Variants in TTC12 observed in about 807,000 individuals in gnomAD.
TTC12 encodes the protein tetratricopeptide repeat protein 12.
TTC12 carries 70 observed loss-of-function variants against 90.1 expected under a neutral mutation model. The observed-to-expected ratio is 0.78, with a 90% CI of 0.64 to 0.95. The LOEUF is 0.95. TTC12 is among the 40% of genes least tolerant of loss of function. The pLI is 0.00. For synonymous variants in TTC12, 296 were observed against 311.5 expected, an observed-to-expected ratio of 0.95 and a Z score of 0.53; for missense variants, 819 against 846.1, an observed-to-expected ratio of 0.97 and a Z score of 0.40.
chr11:113,366,192 T>C, intron 21 of TTC12, 33 bp from the exon 22 acceptor site: 5 of 1,609,796 alleles, frequency 3.1e-6, no homozygotes, highest in Non-Finnish European at 3.4e-6. Flanking sequence ...CCGTGGCACT[T>C]ATGCCCTGGG....
At chr11:113,323,953 GA>G in intron 3 of TTC12, 40 bp from the exon 4 acceptor site, 1 of 1,559,950 alleles carries the variant, frequency 6.4e-7, no homozygotes, top group Non-Finnish European at 8.8e-7. Context: ...AGTGGTTTTT[GA>G]AATTTGTTTC....
At chr11:113,342,664 C>T (rs782290459) in intron 12 of TTC12, among the ~76,000 whole-genome samples, 7 of 151,444 alleles carry the variant, frequency 4.6e-5, no homozygotes, top group Non-Finnish European at 7.4e-5. Context: ...GAGATAATAC[C>T]TTTTTTTTTC....
rs1555143652 is a variant in TTC12 at position 113,335,040 on chromosome 11, A to G, written c.576+3A>G. ...TGGCCCTGAAGAACTACAGTGTGGT[A>G]AGTTCTTAGAGGAATGTAATTGACA... On this transcript the variant is annotated splice_donor_region_variant and intron_variant, in intron 8 of 21. Transcript: ENST00000529221. The G allele has an allele frequency of 4.4e-6, 7 of 1,607,158 alleles. No individual in the cohort carries two copies. The Admixed American group carries it at 1.0e-4, about 23-fold the overall frequency.
chr11:113,331,394 C>G (rs1459136489), intron 7 of TTC12, among the ~76,000 whole-genome samples: 2 of 152,212 alleles, frequency 1.3e-5, no homozygotes, highest in Non-Finnish European at 2.9e-5. Context: ...GCTGCATGCT[C>G]ACGAAATTCT....
At chr11:113,320,735 C>T (rs904764940) in intron 2 of TTC12, among the ~76,000 whole-genome samples, 4 of 152,228 alleles carry the variant, frequency 2.6e-5, no homozygotes, top group African/African-American at 7.2e-5. Context: ...TAAAAGGACA[C>T]GCTGTAACAC....
At chr11:113,341,251 A>G (rs188814638) in intron 11 of TTC12, among the ~76,000 whole-genome samples, 1 of 152,298 alleles carries the variant, frequency 6.6e-6, no homozygotes, top group Admixed American at 6.5e-5. Context: ...ACAATTGAAG[A>G]GAGAGGAACA....
chr11:113,327,902 G>A (rs1380345332), intron 6 of TTC12, among the ~76,000 whole-genome samples: 1 of 152,176 alleles, frequency 6.6e-6, no homozygotes, highest in African/African-American at 2.4e-5. Flanking sequence ...AGCACCACTC[G>A]CAGCTTCCTT....
At position 113,364,013 on chromosome 11, in the gene TTC12, A is replaced by C. The variant is rs1183096041; in HGVS notation, c.1816+86A>C. On this transcript the variant is annotated intron_variant, in intron 20 of 21. Transcript: ENST00000529221. ...CAAAGGGAACTGTGGTCGAGGAGGA[A>C]CTTAGCAGCAATGCTGTTAACCTCT... The C allele has an allele frequency of 4.9e-5, 42 of 865,516 alleles. No individual in the cohort carries two copies. In the Admixed American group the frequency reaches 9.1e-4, roughly 19 times the overall value. 53.6% of individuals were successfully genotyped at this position (865,516 alleles called of 1,614,324 possible). A position where few individuals can be genotyped will look rare whatever the true frequency, so the allele number is the denominator to read the frequency against.
chr11:113,326,893 G>A (rs563282177), intron 6 of TTC12, among the ~76,000 whole-genome samples: 6 of 152,066 alleles, frequency 3.9e-5, no homozygotes, highest in East Asian at 1.9e-4. Flanking sequence ...GTTACATAAC[G>A]TTAAAAGCAC....
chr11:113,343,076 CAAT>C (rs2138004138), intron 12 of TTC12, among the ~76,000 whole-genome samples: 1 of 152,172 alleles, frequency 6.6e-6, no homozygotes, highest in South Asian at 2.1e-4. Context: ...ATATCTAACT[CAAT>C]AAATGCAAAG....
intron 19 of TTC12, 22 bp from the exon 20 acceptor site, chr11:113,363,806 C>G (rs960601462): frequency 6.4e-7 from 1 of 1,552,762 alleles, no homozygotes; most frequent in Non-Finnish European, 8.9e-7. Flanking sequence ...TTTTATTTTT[C>G]TAATTTCATT....
rs369313544 is a variant in TTC12 at position 113,324,678 on chromosome 11, G to A, written c.318G>A (p.Ala106=). The A allele has an allele frequency of 9.3e-6, 15 of 1,613,558 alleles. No individual in the cohort carries two copies. The Admixed American group carries it at 1.0e-4, about 11-fold the overall frequency. ...GAAGAAGGGAAAACAAAGTCTTGGC[G>A]GATGGTAATTGTCAGTCCTTACTTT... ...AKRRRENKVL[A]DALKEKGNEA... is the part of the protein sequence containing the mutation. The change falls in exon 5 of 22, where the codon GCG becomes GCA. Residue 106 remains alanine (A), a synonymous_variant. Coordinates refer to ENST00000529221, the MANE Select transcript of TTC12 (RefSeq NM_017868.4).
intron 13 of TTC12, among the ~76,000 whole-genome samples, chr11:113,345,448 G>T (rs1591582749): frequency 6.7e-6 from 1 of 149,720 alleles, no homozygotes; most frequent in South Asian, 2.1e-4. Context: ...TCCGCTCTGT[G>T]TTCCCAGTGG....
rs34402693 is a variant in TTC12, at chr11:113,351,353, TG to T, written c.1308+58del. The T allele has an allele frequency of 2.8e-6, 4 of 1,436,430 alleles. No individual in the cohort carries two copies. The Admixed American group carries it at 5.1e-5, about 18-fold the overall frequency. The allele number at this position is 1,436,430 out of a possible 1,614,324, so 89.0% of individuals were successfully genotyped here. A position where few individuals can be genotyped will look rare whatever the true frequency, so the allele number is the denominator to read the frequency against. On this transcript the variant is annotated intron_variant, in intron 15 of 21. Transcript: ENST00000529221. ...TAACAGACACTCTCAGGAGCGTGAA[TG>T]GGGCTGTTTAAACACAATTTACAAT...
At position 113,350,076 on chromosome 11, in the gene TTC12, A is replaced by G. The variant is rs782519307; in HGVS notation, c.1158A>G (p.Leu386=). ...LIINHLDLTR[L]LEALVSFLDF... is the part of the protein sequence containing the mutation. Reference sequence around the variant, plus strand: ...AGGTTATTATGGTTTTTTGCAGATTATTGGAAGCGCTGGTGTCATTTCTTG... The same window carrying G: ...AGGTTATTATGGTTTTTTGCAGATTGTTGGAAGCGCTGGTGTCATTTCTTG... Residue 386 remains leucine, a synonymous_variant, in exon 14 of 22, where the codon TTA becomes TTG. Transcript: ENST00000529221. The G allele has an allele frequency of 5.0e-6, 8 of 1,613,144 alleles. No homozygotes were observed. The Admixed American group carries it at 8.3e-5, about 17-fold the overall frequency.
At chr11:113,335,390 T>C (rs552971672) in intron 8 of TTC12, among the ~76,000 whole-genome samples, 2 of 152,342 alleles carry the variant, frequency 1.3e-5, no homozygotes, top group Admixed American at 1.3e-4. Flanking sequence ...TGCTAAGATA[T>C]TATATATCGT....
intron 2 of TTC12, among the ~76,000 whole-genome samples, chr11:113,318,682 G>A (rs1555136907): frequency 6.6e-6 from 1 of 152,218 alleles, no homozygotes; most frequent in African/African-American, 2.4e-5. Flanking sequence ...TAGGCAAAAT[G>A]TGAAGAGTGA....
intron 1 of TTC12, among the ~76,000 whole-genome samples, chr11:113,315,393 A>G (rs1036620000): frequency 6.6e-6 from 1 of 152,192 alleles, no homozygotes; most frequent in African/African-American, 2.4e-5. Context: ...ACTCGATTAA[A>G]TCACTCGTAG....
rs782516591 is a variant in TTC12 at position 113,325,613 on chromosome 11, G to A, written c.412G>A (p.Asp138Asn). ...RYSEGLEKLK[D>N]MKVLYTNRAQ... ...CAGTGAGGGTTTGGAGAAGCTGAAG[G>A]ACATGAAAGTGCTGTACACCAACCG... The change falls in exon 6 of 22, where the codon GAC becomes AAC. Residue 138 changes from aspartate (D) to asparagine (N), a missense_variant. Physicochemically the swap from Asp to Asn is conservative, Grantham distance 23. Transcript: ENST00000529221. 2 of 1,613,986 alleles carry A rather than the reference G, an allele frequency of 1.2e-6. No homozygotes were observed. Among genetic ancestry groups the A allele is most frequent in the South Asian group, 2.2e-5 (2 of 91,070 alleles).
Sources: allele counts gnomAD v4.1 joint callset (sites outside exome capture counted in the v4.1 genomes callset), GRCh38; gene constraint gnomAD v4.1.1; transcripts MANE v1.5; gene names NCBI Gene and HGNC (gene_info 2026-07-23, HGNC 2026-07-21).